Variants in FGF13 observed in about 807,000 individuals in gnomAD.
FGF13 encodes the protein fibroblast growth factor homologous factor 2.
In FGF13, 2 loss-of-function variants were observed where a neutral mutation model predicts 19.5. That is an observed-to-expected ratio of 0.10 (90% CI 0.04 to 0.32). The LOEUF is 0.32. FGF13 is among the 10% of genes least tolerant of loss of function. The pLI is 1.00. For missense variants in FGF13, 113 were observed against 192.7 expected, an observed-to-expected ratio of 0.59 and a Z score of 2.45; for synonymous variants, 72 against 76.9, an observed-to-expected ratio of 0.94 and a Z score of 0.33.
In FGF13 at chrX:138,951,537, T is replaced by C. The variant is rs187240976; in HGVS notation, c.-112-86887A>G. ...GAACTTATATTCATAACTCCTATGA[T>C]ACAATAAGAATACAAACAACCCAAT... On this transcript the variant is annotated intron_variant, in intron 1 of 2. Transcript: ENST00000421460. Among the ~76,000 whole-genome samples the C allele has an allele frequency of 9.9e-5, 11 of 111,444 alleles. No homozygotes were observed. The East Asian group carries it at 3.1e-3, about 32-fold the overall frequency.
At chrX:139,094,903 C>T (rs1210524549) in intron 1 of FGF13, among the ~76,000 whole-genome samples, 1 of 111,908 alleles carries the variant, frequency 8.9e-6, no homozygotes, top group Non-Finnish European at 1.9e-5. Context: ...CTGTGACAGC[C>T]CTAAATGGCG....
intron 3 of FGF13, among the ~76,000 whole-genome samples, chrX:138,798,325 G>A (rs1003123326): frequency 9.0e-6 from 1 of 111,666 alleles, no homozygotes; most frequent in African/African-American, 3.3e-5. Context: ...TAAACCATGA[G>A]GTTTTTGTCA....
At chrX:139,090,274 G>A (rs945172331) in intron 1 of FGF13, among the ~76,000 whole-genome samples, 2 of 111,501 alleles carry the variant, frequency 1.8e-5, no homozygotes, top group African/African-American at 6.5e-5. Flanking sequence ...GACATCACTA[G>A]TCACACACCA....
intron 1 of FGF13, among the ~76,000 whole-genome samples, chrX:139,082,873 G>T (rs182774543): frequency 8.9e-6 from 1 of 111,744 alleles, no homozygotes; most frequent in East Asian, 2.8e-4. Flanking sequence ...AGGTCTATTT[G>T]TTTACTGTCT....
chrX:139,004,375 C>A (rs973320878), intron 1 of FGF13, among the ~76,000 whole-genome samples: 3 of 112,723 alleles, frequency 2.7e-5, no homozygotes. Context: ...CGGCAAGCGC[C>A]GCACGCAGCC....
intron 1 of FGF13, among the ~76,000 whole-genome samples, chrX:138,920,674 T>C (rs1047016958): frequency 9.0e-6 from 1 of 111,553 alleles, no homozygotes; most frequent in Non-Finnish European, 1.9e-5. Context: ...TGCTATCAAC[T>C]CTGCCACAGA....
intron 1 of FGF13, among the ~76,000 whole-genome samples, chrX:139,082,430 T>C (rs144963026): frequency 0.03 from 3,331 of 111,226 alleles, 53 homozygotes; most frequent in Middle Eastern, 0.098. Flanking sequence ...ATTTAGAAAA[T>C]AGAGGGTCTT....
chrX:139,104,696 C>T (rs62603187), intron 1 of FGF13, among the ~76,000 whole-genome samples: 10,618 of 110,418 alleles, frequency 0.096, 406 homozygotes, highest in South Asian at 0.21. Flanking sequence ...GGTGAGGGCC[C>T]TCTTTTAGGT....
intron 1 of FGF13, among the ~76,000 whole-genome samples, chrX:139,088,793 A>G (rs1172592447): frequency 2.7e-5 from 3 of 111,613 alleles, no homozygotes; most frequent in East Asian, 2.8e-4. Context: ...CACAAAACTC[A>G]TATGTTGAAA....
At chrX:138,726,841 G>A (rs771254914) in intron 1 of FGF13, among the ~76,000 whole-genome samples, 18 of 111,674 alleles carry the variant, frequency 1.6e-4, no homozygotes, top group African/African-American at 5.5e-4. Flanking sequence ...CCTAACTTTT[G>A]GATGATAAAA....
chrX:138,860,078 T>G (rs919156691), intron 2 of FGF13, among the ~76,000 whole-genome samples: 8 of 111,657 alleles, frequency 7.2e-5, no homozygotes, highest in African/African-American at 2.6e-4. Flanking sequence ...AACAGTAGCT[T>G]GATGTTATGT....
At chrX:138,811,699 A>C (rs2090927029) in intron 3 of FGF13, among the ~76,000 whole-genome samples, 1 of 111,029 alleles carries the variant, frequency 9.0e-6, no homozygotes, top group South Asian at 3.8e-4. Flanking sequence ...CTCTATGTCA[A>C]ACTTCTACAT....
intron 3 of FGF13, among the ~76,000 whole-genome samples, chrX:138,673,005 T>G (rs780073008): frequency 9.0e-6 from 1 of 111,157 alleles, no homozygotes; most frequent in Non-Finnish European, 1.9e-5. Flanking sequence ...AGACACCATA[T>G]TTGGGAAGGT....
At position 138,623,017 on chromosome X, in the gene FGF13, A is replaced by AT. The variant is rs1184846224; in HGVS notation, c.*9832dup. 9.0e-6 allele frequency: 1 copy of AT among 111,511 alleles called. No individual in the cohort carries two copies. The highest frequency in any genetic ancestry group is 3.3e-5 in the African/African-American group (1 of 30,702). The allele number at this position is 111,511 out of a possible 1,213,427, so 9.2% of individuals were successfully genotyped here. A position where few individuals can be genotyped will look rare whatever the true frequency, so the allele number is the denominator to read the frequency against. On this transcript the variant is annotated 3_prime_UTR_variant, in exon 5 of 5. Coordinates refer to ENST00000315930, the MANE Select transcript of FGF13 (RefSeq NM_004114.5). The stretch of plus-strand genomic sequence containing the variant: ...TCCTTTGCTAAATTTATTTCTAAGT[A>AT]TTTTTTTGCAATTGCAAATGGGATT...
At chrX:139,129,088 C>T (rs2083739973) in intron 1 of FGF13, among the ~76,000 whole-genome samples, 1 of 107,688 alleles carries the variant, frequency 9.3e-6, no homozygotes, top group African/African-American at 3.4e-5. Flanking sequence ...GCATTCTTCC[C>T]AAACCTGGTT....
chrX:138,874,055 A>G (rs2091373520), intron 1 of FGF13, among the ~76,000 whole-genome samples: 1 of 104,778 alleles, frequency 9.5e-6, no homozygotes, highest in African/African-American at 3.5e-5. Flanking sequence ...CCTAATGAAA[A>G]TGATGAGTTA....
intron 1 of FGF13, among the ~76,000 whole-genome samples, chrX:139,123,062 C>CA (rs1408116173): frequency 1.8e-5 from 2 of 110,529 alleles, no homozygotes; most frequent in East Asian, 5.7e-4. Flanking sequence ...GTGGCGGGAG[C>CA]AAAATCACCC....
At chrX:138,996,185 G>A (rs1445773255) in intron 1 of FGF13, among the ~76,000 whole-genome samples, 1 of 112,393 alleles carries the variant, frequency 8.9e-6, no homozygotes, top group Admixed American at 9.4e-5. Context: ...TGGTTGGACA[G>A]TGGGCGCAAC....
chrX:138,714,787 A>C (rs2090086500), upstream of FGF13: 1 of 112,378 alleles, frequency 8.9e-6, no homozygotes, highest in African/African-American at 3.2e-5. Context: ...AAACTATGCC[A>C]AAGTCACATC....
Sources: gnomAD v4.1 joint callset for allele counts (sites outside exome capture counted in the v4.1 genomes callset) on GRCh38, gnomAD v4.1.1 for gene constraint, MANE v1.5 for transcripts, NCBI Gene and HGNC (gene_info 2026-07-23, HGNC 2026-07-21) for gene names.